HERC2: variants seen among roughly 807,000 people sequenced by gnomAD.
HERC2 encodes the protein E3 ubiquitin-protein ligase HERC2.
HERC2 carries 102 observed loss-of-function variants against 537.7 expected under a neutral mutation model. That is an observed-to-expected ratio of 0.19 (90% confidence interval 0.16 to 0.22). The LOEUF is 0.22. Ranked by LOEUF, HERC2 falls within the 10% of genes least tolerant of loss-of-function variation. HERC2 has a pLI of 1.00. For missense variants in HERC2, 4,236 were observed against 6,198.2 expected (o/e 0.68, Z 10.63); for synonymous variants, 2,224 against 2,466.2 (o/e 0.90, Z 2.91).
At chr15:28,178,036 C>T (rs946382216) in intron 59 of HERC2, among the ~76,000 whole-genome samples, 22 of 152,360 alleles carry the variant, frequency 1.4e-4, no homozygotes, top group African/African-American at 5.3e-4. Context: ...CACTCCTATA[C>T]AGTGAGTTCC....
intron 2 of HERC2, among the ~76,000 whole-genome samples, chr15:28,307,607 G>A (rs1242510256): frequency 1.3e-5 from 2 of 152,154 alleles, no homozygotes; most frequent in East Asian, 3.8e-4. Context: ...TGACCTGTTG[G>A]TCATTCAGGA....
At chr15:28,194,118 T>G (rs1045415977) in intron 52 of HERC2, among the ~76,000 whole-genome samples, 2 of 149,832 alleles carry the variant, frequency 1.3e-5, no homozygotes, top group East Asian at 2.0e-4. Context: ...CAGGCTGGAG[T>G]GCAGTGGCAC....
At chr15:28,245,564 T>C (rs149949999) in intron 23 of HERC2, among the ~76,000 whole-genome samples, 1,606 of 108,932 alleles carry the variant, frequency 0.015, 43 homozygotes, top group African/African-American at 0.061. Flanking sequence ...AAAAAAAATA[T>C]ATACACACAC....
chr15:28,232,013 A>G (rs956797010), intron 30 of HERC2, among the ~76,000 whole-genome samples: 9 of 152,096 alleles, frequency 5.9e-5, no homozygotes, highest in Non-Finnish European at 1.2e-4. Flanking sequence ...GAGTTCCTGC[A>G]TGCCTGGGTT....
chr15:28,279,095 A>G, intron 5 of HERC2, among the ~76,000 whole-genome samples: 1 of 152,164 alleles, frequency 6.6e-6, no homozygotes, highest in East Asian at 1.9e-4. Context: ...GGGATCAAGC[A>G]ATTCTCCTGC....
intron 45 of HERC2, among the ~76,000 whole-genome samples, chr15:28,204,432 C>T (rs1239013885): frequency 6.6e-6 from 1 of 152,028 alleles, no homozygotes; most frequent in South Asian, 2.1e-4. Flanking sequence ...CCAGCCTGGC[C>T]AACATGGTAA....
At chr15:28,273,111 A>G (rs1204473274) in intron 7 of HERC2, 107 bp from the exon 8 acceptor site, 3 of 781,784 alleles carry the variant, frequency 3.8e-6, no homozygotes, top group Non-Finnish European at 6.5e-6. Context: ...GGAAGGATGT[A>G]TTTTTAATAT....
At chr15:28,221,019 C>A (rs1172273758) in intron 36 of HERC2, among the ~76,000 whole-genome samples, 1 of 147,978 alleles carries the variant, frequency 6.8e-6, no homozygotes, top group Non-Finnish European at 1.5e-5. Flanking sequence ...CTGCCCTGGT[C>A]CTTCCATGGC....
Position 28,168,575 on chromosome 15 carries a change from C to A in HERC2, c.10245G>T (p.Gly3415=). Residue 3415 remains glycine (G), a synonymous_variant, in exon 67 of 93, where the codon GGG becomes GGT. Coordinates refer to ENST00000261609, the MANE Select transcript of HERC2 (RefSeq NM_004667.6). The part of the protein sequence containing the change: ...QIMYARDAVV[G]ALMPAAMIAP... Reference sequence around the variant, plus strand: ...CGATCATGGCGGCCGGCATCAGGGCCCCGACAACAGCATCTCTGTCAGGAC... The same window carrying A: ...CGATCATGGCGGCCGGCATCAGGGCACCGACAACAGCATCTCTGTCAGGAC... The A allele has an allele frequency of 6.2e-7, 1 of 1,613,782 alleles. No individual in the cohort carries two copies.
At chr15:28,220,140 C>A (rs1173771108) in intron 37 of HERC2, among the ~76,000 whole-genome samples, 1 of 152,192 alleles carries the variant, frequency 6.6e-6, no homozygotes, top group African/African-American at 2.4e-5. Context: ...AGGCTCAGCG[C>A]CAACCACATG....
intron 37 of HERC2, among the ~76,000 whole-genome samples, chr15:28,219,388 T>C (rs570820016): frequency 6.6e-6 from 1 of 152,350 alleles, no homozygotes; most frequent in East Asian, 1.9e-4. Flanking sequence ...CAGGCCTGCT[T>C]CCTGCAGGCA....
chr15:28,265,888 T>TA lies in HERC2; in HGVS notation c.1684dup (p.Tyr562LeufsTer28). On this transcript the variant is annotated frameshift_variant, in exon 13 of 93. Transcript: ENST00000261609. LOFTEE classifies it high-confidence loss of function. The surrounding 1 kb of genome is among the most constrained non-coding windows in gnomAD (Gnocchi z 4.0). ...CCCCTCGGCAGTGATGGCCGCACTG[T>TA]AAGTGCTCCCGCAAGCGATGTGCAC... The TA allele has an allele frequency of 6.2e-7, 1 of 1,614,168 alleles. No individual in the cohort carries two copies. Among genetic ancestry groups the TA allele is most frequent in the Non-Finnish European group, 8.5e-7 (1 of 1,180,038 alleles).
intron 89 of HERC2, 132 bp downstream of exon 89, chr15:28,115,296 TC>T: frequency 2.1e-6 from 1 of 471,082 alleles, no homozygotes; most frequent in Non-Finnish European, 3.7e-6. Flanking sequence ...TCAAAGGTGG[TC>T]CACAGCCAAC....
chr15:28,124,282 G>A (rs201624767), intron 84 of HERC2, 48 bp from the exon 85 acceptor site: 27 of 1,265,086 alleles, frequency 2.1e-5, no homozygotes, highest in African/African-American at 6.1e-5. Flanking sequence ...AAAGGCACAC[G>A]GGGGCCAGTG....
intron 35 of HERC2, among the ~76,000 whole-genome samples, chr15:28,224,848 G>C (rs1252318677): frequency 6.6e-6 from 1 of 152,032 alleles, no homozygotes; most frequent in Non-Finnish European, 1.5e-5. Context: ...AAAGAAAAGT[G>C]GAAAATTTAC....
intron 17 of HERC2, among the ~76,000 whole-genome samples, chr15:28,256,588 C>A (rs2075269274): frequency 6.6e-6 from 1 of 152,102 alleles, no homozygotes. Flanking sequence ...AACCTCCACC[C>A]CGCGCCAACA....
At chr15:28,208,278 C>G (rs1046859272) in intron 44 of HERC2, among the ~76,000 whole-genome samples, 1 of 152,152 alleles carries the variant, frequency 6.6e-6, no homozygotes, top group East Asian at 1.9e-4. Context: ...ACGCACCACT[C>G]ACTATTCTCC....
intron 65 of HERC2, among the ~76,000 whole-genome samples, chr15:28,170,687 C>T (rs973545633): frequency 7.9e-5 from 12 of 152,022 alleles, no homozygotes; most frequent in African/African-American, 2.2e-4. Context: ...TAAACACTTT[C>T]GTTCTATGAA....
chr15:28,258,991 A>C (rs546773025), intron 16 of HERC2, among the ~76,000 whole-genome samples: 1 of 152,380 alleles, frequency 6.6e-6, no homozygotes, highest in Non-Finnish European at 1.5e-5. Flanking sequence ...GAAGTAAAGC[A>C]CATCTGAGGG....
Sources: gnomAD v4.1 joint callset for allele counts (sites outside exome capture counted in the v4.1 genomes callset) on GRCh38, gnomAD v4.1.1 for gene constraint, Gnocchi (gnomAD v3.1) non-coding constraint, MANE v1.5 for transcripts, NCBI Gene and HGNC (gene_info 2026-07-23, HGNC 2026-07-21) for gene names.